The following CLCC1 variants were observed in gnomAD, a reference collection of about 807,000 sequenced individuals.
The protein encoded by CLCC1 is chloride channel CLIC like 1.
In CLCC1, 39 loss-of-function variants were observed where a neutral mutation model predicts 63.3. The observed-to-expected ratio is 0.62, with a 90% confidence interval of 0.48 to 0.81. The LOEUF (loss-of-function observed/expected upper bound fraction) is 0.81, where lower values mean the gene tolerates loss of function less well. Ranked by LOEUF, CLCC1 falls within the 30% of genes least tolerant of loss-of-function variation. The pLI is 0.00. For missense variants in CLCC1, 549 were observed against 669.4 expected, an observed-to-expected ratio of 0.82 and a Z score of 1.98; for synonymous variants, 217 against 239.8, an observed-to-expected ratio of 0.90 and a Z score of 0.88.
chr1:108,959,359 A>C (rs1422218755), intron 2 of CLCC1, among the ~76,000 whole-genome samples: 1 of 135,476 alleles, frequency 7.4e-6, no homozygotes, highest in African/African-American at 2.8e-5. Context: ...AACTCAAAAG[A>C]AAAAAAAAAA....
At chr1:108,952,286 C>T (rs1655287720) in intron 2 of CLCC1, among the ~76,000 whole-genome samples, 1 of 152,176 alleles carries the variant, frequency 6.6e-6, no homozygotes, top group Admixed American at 6.5e-5. Context: ...TCAAGCGATT[C>T]TCCTCCCTCA....
Position 108,929,902 on chromosome 1 carries a change from G to C in CLCC1, c.*2645C>G, listed in dbSNP as rs1396317509. On this transcript the variant is annotated 3_prime_UTR_variant, in exon 13 of 13. Coordinates refer to ENST00000369969, the MANE Select transcript of CLCC1 (RefSeq NM_001377458.1). ...CTTTTTGCAAAATAATGCTTTGTTG[G>C]AGTTTAAAAATTCAGGGAAAAAATC... 1.2e-6 allele frequency: 2 copies of C among 1,613,706 alleles called. No individual in the cohort carries two copies. The highest frequency in any genetic ancestry group is 4.5e-5 in the East Asian group (2 of 44,864).
chr1:108,948,351 TC>T (rs951612542), intron 4 of CLCC1, among the ~76,000 whole-genome samples: 14 of 152,190 alleles, frequency 9.2e-5, no homozygotes, highest in Non-Finnish European at 1.8e-4. Context: ...GGAGCAGACT[TC>T]CTACGAACTT....
At chr1:108,963,100 C>T (rs1417944011) in intron 1 of CLCC1, among the ~76,000 whole-genome samples, 2 of 152,232 alleles carry the variant, frequency 1.3e-5, no homozygotes, top group East Asian at 3.8e-4. Flanking sequence ...GTGCCTTCTC[C>T]GTAGGCCGCT....
Position 108,963,371 on chromosome 1 carries a change from C to A in CLCC1, c.-183G>T, listed in dbSNP as rs751572026. 2 of 702,426 alleles carry A rather than the reference C, an allele frequency of 2.8e-6. No individual in the cohort carries two copies. The highest frequency in any genetic ancestry group is 3.0e-5 in the South Asian group (2 of 67,598). The allele number at this position is 702,426 out of a possible 1,614,324, so 43.5% of individuals were successfully genotyped here. A position where few individuals can be genotyped will look rare whatever the true frequency, so the allele number is the denominator to read the frequency against. On this transcript the variant is annotated 5_prime_UTR_variant, in exon 1 of 13. Transcript: ENST00000369969. ...ACTGCACGGACTCACGTCCGGGATC[C>A]CCTGCCTGCCTCTCGAGGAAGACAC... is the stretch of plus-strand genomic sequence containing the variant.
In CLCC1 at chr1:108,931,626, G is replaced by T; in HGVS notation, c.*921C>A. 20 of 1,025,136 alleles carry T rather than the reference G, an allele frequency of 2.0e-5. No individual in the cohort carries two copies. The highest frequency in any genetic ancestry group is 4.8e-5 in the African/African-American group (2 of 41,682). 63.5% of individuals were successfully genotyped at this position (1,025,136 alleles called of 1,614,324 possible). ...TGGAATTAATTACATTAAGTGCTCA[G>T]CTAAAAAAAAAAAAAAAGTTCTAAA... On this transcript the variant is annotated 3_prime_UTR_variant, in exon 13 of 13. Transcript: ENST00000369969.
chr1:108,961,496 C>G (rs1656635144), intron 2 of CLCC1, among the ~76,000 whole-genome samples: 1 of 152,182 alleles, frequency 6.6e-6, no homozygotes, highest in Non-Finnish European at 1.5e-5. Context: ...CCCGCAGTCC[C>G]TACTATTTTT....
rs189283179 is a variant in CLCC1, at chr1:108,961,244, C to G, written c.-12+1065G>C. Among the ~76,000 whole-genome samples the G allele has an allele frequency of 1.6e-3, 227 of 141,010 alleles. 3 individuals carry two copies. The highest frequency in any genetic ancestry group is 5.7e-4 in the Non-Finnish European group (37 of 65,166). The allele number at this position is 141,010 out of a possible 152,430, so 92.5% of individuals were successfully genotyped here. ...AATCCTAAAACGAATCTCACACTTC[C>G]TCCAAACAAAGCTACATCTAAACCT... On this transcript the variant is annotated intron_variant, in intron 2 of 12. Transcript: ENST00000369969.
chr1:108,949,059 C>A (rs1445528423), intron 4 of CLCC1, among the ~76,000 whole-genome samples: 1 of 152,202 alleles, frequency 6.6e-6, no homozygotes, highest in South Asian at 2.1e-4. Context: ...CCTTATCCCC[C>A]CTACTTCCCT....
intron 2 of CLCC1, among the ~76,000 whole-genome samples, chr1:108,953,386 A>G (rs1364000274): frequency 1.3e-5 from 2 of 152,220 alleles, no homozygotes; most frequent in Non-Finnish European, 2.9e-5. Context: ...GAAACTCCCA[A>G]TGTTTTGGCC....
At position 108,963,461 on chromosome 1, in the gene CLCC1, C is replaced by G. The variant is rs1557902685; in HGVS notation, c.-273G>C. 1.0e-5 allele frequency: 7 copies of G among 702,170 alleles called. No individual in the cohort carries two copies. Among genetic ancestry groups the G allele is most frequent in the Admixed American group, 8.0e-5 (4 of 50,008 alleles). 43.5% of individuals were successfully genotyped at this position (702,170 alleles called of 1,614,324 possible). A position where few individuals can be genotyped will look rare whatever the true frequency, so the allele number is the denominator to read the frequency against. ...GCCGCCCAGGGTTTCAGCGTGCTTC[C>G]TGGGCCTCGTCATCGAATTGTTCGG... On this transcript the variant is annotated 5_prime_UTR_variant, in exon 1 of 13. Coordinates refer to ENST00000369969, the MANE Select transcript of CLCC1 (RefSeq NM_001377458.1).
In CLCC1 at chr1:108,962,895, G is replaced by T. The variant is rs773420376; in HGVS notation, c.-172-426C>A. Among the ~76,000 whole-genome samples, 128 of 149,286 alleles carry T rather than the reference G, an allele frequency of 8.6e-4. 1 individual carries two copies. Among genetic ancestry groups the T allele is most frequent in the Non-Finnish European group, 1.6e-3 (110 of 67,340 alleles). On this transcript the variant is annotated intron_variant, in intron 1 of 12. Coordinates refer to ENST00000369969, the MANE Select transcript of CLCC1 (RefSeq NM_001377458.1). The stretch of plus-strand genomic sequence containing the variant: ...CAAAAAAAAAAAAAAAATCCATTTT[G>T]GAGGTTGTTTTGTGTCCGTTTTTGT...
intron 2 of CLCC1, among the ~76,000 whole-genome samples, chr1:108,950,746 C>G (rs1370729566): frequency 6.6e-6 from 1 of 151,908 alleles, no homozygotes; most frequent in African/African-American, 2.4e-5. Context: ...AACTCCTGGC[C>G]TCAACTGATC....
In CLCC1 at chr1:108,931,129, T is replaced by C; in HGVS notation, c.*1418A>G. On this transcript the variant is annotated 3_prime_UTR_variant, in exon 13 of 13. Coordinates refer to ENST00000369969, the MANE Select transcript of CLCC1 (RefSeq NM_001377458.1). ...AATGGTCTCTTCTGTTCCATAATAC[T>C]GCTGTAAAACAAACTTTTCTAAGTT... 1 of 507,204 alleles carries C rather than the reference T, an allele frequency of 2.0e-6. No individual in the cohort carries two copies. The highest frequency in any genetic ancestry group is 3.4e-6 in the Non-Finnish European group (1 of 294,588). The allele number at this position is 507,204 out of a possible 1,614,324, so 31.4% of individuals were successfully genotyped here.
At chr1:108,937,594 A>G (rs533713221) in intron 10 of CLCC1, among the ~76,000 whole-genome samples, 176 bp from the exon 11 acceptor site, 16 of 152,354 alleles carry the variant, frequency 1.1e-4, no homozygotes, top group African/African-American at 3.8e-4. Flanking sequence ...GATTAATACA[A>G]GGCCAGAGTG....
At chr1:108,948,032 C>T (rs569834325) in intron 4 of CLCC1, among the ~76,000 whole-genome samples, 1 of 152,270 alleles carries the variant, frequency 6.6e-6, no homozygotes, top group African/African-American at 2.4e-5. Flanking sequence ...CTGGACCAAT[C>T]TGCCTCTTTC....
intron 2 of CLCC1, among the ~76,000 whole-genome samples, chr1:108,960,436 T>G (rs1245982990): frequency 6.6e-6 from 1 of 152,082 alleles, no homozygotes; most frequent in South Asian, 2.1e-4. Context: ...AGCCATTGGA[T>G]TGGTTAATTA....
At chr1:108,937,651 G>A (rs1161298750) in intron 10 of CLCC1, among the ~76,000 whole-genome samples, 4 of 152,170 alleles carry the variant, frequency 2.6e-5, no homozygotes, top group Non-Finnish European at 5.9e-5. Flanking sequence ...TAATCAGCTA[G>A]ACACATTTCG....
At chr1:108,932,722 GA>G (rs1652217324) in intron 12 of CLCC1, 1 of 152,160 alleles carries the variant, frequency 6.6e-6, no homozygotes, top group African/African-American at 2.4e-5. Flanking sequence ...GTCCCAAGAG[GA>G]CACTTTATAC....
Sources: allele counts gnomAD v4.1 joint callset (sites outside exome capture counted in the v4.1 genomes callset), GRCh38; gene constraint gnomAD v4.1.1; transcripts MANE v1.5; gene names NCBI Gene and HGNC (gene_info 2026-07-23, HGNC 2026-07-21).